The following ELAPOR2 variants were observed in gnomAD, a reference collection of about 807,000 sequenced individuals.
ELAPOR2 encodes the protein endosome/lysosome-associated apoptosis and autophagy regulator family member 2.
In ELAPOR2, 89 loss-of-function variants were observed where a neutral mutation model predicts 120.7. That is an observed-to-expected ratio of 0.74 (90% CI 0.62 to 0.88). The LOEUF is 0.88. ELAPOR2 is among the 40% of genes least tolerant of loss of function. The probability of loss-of-function intolerance (pLI) is 0.00; values close to 1 mark genes in which losing one functional copy is unlikely to be tolerated. For synonymous variants in ELAPOR2, 444 were observed against 444.9 expected (o/e 1.00, Z 0.03); for missense variants, 1,134 against 1,251.6 (o/e 0.91, Z 1.42).
At chr7:86,995,106 T>G (rs1292764610) in intron 1 of ELAPOR2, among the ~76,000 whole-genome samples, 2 of 152,162 alleles carry the variant, frequency 1.3e-5, no homozygotes, top group African/African-American at 4.8e-5. Context: ...ACAGCTGTAG[T>G]AGTTTCAAGC....
chr7:86,908,440 C>T lies in ELAPOR2; in HGVS notation c.2456+7G>A, dbSNP rs1789136303. 1 of 1,475,702 alleles carries T rather than the reference C, an allele frequency of 6.8e-7. No individual in the cohort carries two copies. 91.4% of individuals were successfully genotyped at this position (1,475,702 alleles called of 1,614,324 possible). On this transcript the variant is annotated splice_region_variant and intron_variant, in intron 17 of 21. Transcript: ENST00000450689. ...ATATAGTCAAGGGAAACAGCATCTT[C>T]ACTTACTTATAAAAGAAATGCACAT...
At position 86,880,052 on chromosome 7, in the gene ELAPOR2, CAAAGA is replaced by C. The variant is rs963083648; in HGVS notation, c.*414_*418del. ...ATTTTAATTTTCCCCAAAATATAAA[CAAAGA>C]AAAAACATAAATTGGATCATAATGC... is the stretch of plus-strand genomic sequence containing the variant. On this transcript the variant is annotated 3_prime_UTR_variant, in exon 22 of 22. Transcript: ENST00000450689. 1 of 155,428 alleles carries C rather than the reference CAAAGA, an allele frequency of 6.4e-6. No individual in the cohort carries two copies. The highest frequency in any genetic ancestry group is 2.4e-5 in the African/African-American group (1 of 41,540). The allele number at this position is 155,428 out of a possible 1,614,324, so 9.6% of individuals were successfully genotyped here.
chr7:87,028,169 G>A (rs1003046429), intron 1 of ELAPOR2, among the ~76,000 whole-genome samples: 1 of 152,084 alleles, frequency 6.6e-6, no homozygotes, highest in East Asian at 1.9e-4. Flanking sequence ...CAAAACAAGT[G>A]TCTGTTCTCA....
rs138424687 is a variant in ELAPOR2 at position 86,938,167 on chromosome 7, C to T, written c.1048G>A (p.Asp350Asn). 5.7e-4 allele frequency: 891 copies of T among 1,552,300 alleles called. 8 individuals carry two copies. In the South Asian group the frequency reaches 8.0e-3, roughly 14 times the overall value. The part of the protein sequence containing the change: ...CTERPPCTTK[D>N]YFQIHTPCDE... ...CATGGAGTATGGATCTGGAAATAGT[C>T]TTTTGTGGTACAGGGAGGGCGCTCT... Residue 350 changes from aspartate to asparagine, a missense_variant, in exon 8 of 22, where the codon GAC becomes AAC. Transcript: ENST00000450689.
At chr7:86,984,991 G>A (rs1792662534) in intron 1 of ELAPOR2, among the ~76,000 whole-genome samples, 2 of 152,094 alleles carry the variant, frequency 1.3e-5, no homozygotes, top group African/African-American at 4.8e-5. Flanking sequence ...AATAAAAAAT[G>A]ATAAAGGGGA....
chr7:86,906,543 C>T (rs1426734451), intron 18 of ELAPOR2, among the ~76,000 whole-genome samples: 2 of 152,134 alleles, frequency 1.3e-5, no homozygotes, highest in Non-Finnish European at 2.9e-5. Flanking sequence ...GCTTACACCA[C>T]TGATTTCCAA....
At chr7:86,997,076 T>C (rs889786016) in intron 1 of ELAPOR2, among the ~76,000 whole-genome samples, 3 of 152,196 alleles carry the variant, frequency 2.0e-5, no homozygotes, top group Non-Finnish European at 2.9e-5. Context: ...CTGTCACTAA[T>C]TTTTCCAAGT....
At chr7:86,932,789 G>C (rs1432224865) in intron 8 of ELAPOR2, among the ~76,000 whole-genome samples, 1 of 151,688 alleles carries the variant, frequency 6.6e-6, no homozygotes, top group Non-Finnish European at 1.5e-5. Flanking sequence ...TTTAAAGCTT[G>C]GATTTCCCTG....
At chr7:87,054,128 A>G (rs1175694606) in intron 1 of ELAPOR2, among the ~76,000 whole-genome samples, 2 of 152,226 alleles carry the variant, frequency 1.3e-5, no homozygotes, top group South Asian at 2.1e-4. Context: ...TAGAACACAC[A>G]TGATGAAAGG....
chr7:86,999,811 G>C (rs1583973827), intron 1 of ELAPOR2, among the ~76,000 whole-genome samples: 1 of 152,090 alleles, frequency 6.6e-6, no homozygotes, highest in African/African-American at 2.4e-5. Context: ...GAAATCATTT[G>C]ATGGCATAAA....
intron 16 of ELAPOR2, among the ~76,000 whole-genome samples, chr7:86,909,313 A>T (rs1193051864): frequency 6.6e-6 from 1 of 152,054 alleles, no homozygotes; most frequent in Non-Finnish European, 1.5e-5. Flanking sequence ...CACCCATTAG[A>T]GAGCTAGATT....
At position 87,040,060 on chromosome 7, in the gene ELAPOR2, G is replaced by A. The variant is rs111284278; in HGVS notation, c.189+19265C>T. Among the ~76,000 whole-genome samples, 25 of 152,340 alleles carry A rather than the reference G, an allele frequency of 1.6e-4. 1 individual carries two copies. The East Asian group carries it at 2.1e-3, about 13-fold the overall frequency. ...TCCCACTCGAATACTGCGCTTTTCC[G>A]ACGGGCTTAAAACACGGCGCACCAC... On this transcript the variant is annotated intron_variant, in intron 1 of 21. Coordinates refer to ENST00000450689, the MANE Select transcript of ELAPOR2 (RefSeq NM_001142749.3).
At chr7:87,027,800 T>G (rs1193887245) in intron 1 of ELAPOR2, among the ~76,000 whole-genome samples, 2 of 152,036 alleles carry the variant, frequency 1.3e-5, no homozygotes, top group Non-Finnish European at 2.9e-5. Flanking sequence ...GAACAATAAA[T>G]TTGTGTTGTG....
At chr7:86,884,972 C>T (rs1248895395) in intron 21 of ELAPOR2, among the ~76,000 whole-genome samples, 2 of 152,120 alleles carry the variant, frequency 1.3e-5, no homozygotes, top group Non-Finnish European at 2.9e-5. Context: ...GACTGATTCC[C>T]ATAGGAAAAC....
intron 15 of ELAPOR2, 187 bp downstream of exon 15, chr7:86,911,885 C>G (rs1789328981): frequency 3.2e-6 from 2 of 618,472 alleles, no homozygotes. Context: ...GAGAACCAGA[C>G]AAGGTTGCCC....
At chr7:86,986,932 C>T (rs1792761975) in intron 1 of ELAPOR2, among the ~76,000 whole-genome samples, 1 of 150,514 alleles carries the variant, frequency 6.6e-6, no homozygotes, top group African/African-American at 2.5e-5. Context: ...ATCATGCTAC[C>T]TGACTTCAAA....
intron 21 of ELAPOR2, among the ~76,000 whole-genome samples, chr7:86,890,670 T>C (rs1788104362): frequency 6.6e-6 from 1 of 152,062 alleles, no homozygotes; most frequent in Non-Finnish European, 1.5e-5. Flanking sequence ...GCAGACTCAC[T>C]TGTTAGCTTG....
chr7:86,885,717 T>C (rs572881620), intron 21 of ELAPOR2, among the ~76,000 whole-genome samples: 11 of 152,252 alleles, frequency 7.2e-5, no homozygotes, highest in African/African-American at 2.2e-4. Flanking sequence ...AAGAGGAGCA[T>C]ACAAATAAGA....
Position 87,040,294 on chromosome 7 carries a change from C to T in ELAPOR2, c.189+19031G>A, listed in dbSNP as rs368981657. Among the ~76,000 whole-genome samples, 26 of 152,400 alleles carry T rather than the reference C, an allele frequency of 1.7e-4. No homozygotes were observed. In the East Asian group the frequency reaches 4.8e-3, roughly 28 times the overall value. Reference sequence around the variant, plus strand: ...ACAGCTCAAGGAGGCCTGCCTGCCTCTGCAGGCTCCACCTCTGGGGGCAGG... The same window carrying T: ...ACAGCTCAAGGAGGCCTGCCTGCCTTTGCAGGCTCCACCTCTGGGGGCAGG... On this transcript the variant is annotated intron_variant, in intron 1 of 21. Transcript: ENST00000450689.
Sources: allele counts gnomAD v4.1 joint callset (sites outside exome capture counted in the v4.1 genomes callset), GRCh38; gene constraint gnomAD v4.1.1; transcripts MANE v1.5; gene names NCBI Gene and HGNC (gene_info 2026-07-23, HGNC 2026-07-21).